Variants in KALRN observed in about 807,000 individuals in gnomAD.
KALRN encodes kalirin RhoGEF kinase.
KALRN carries 70 observed loss-of-function variants against 353.7 expected under a neutral mutation model. The observed-to-expected ratio is 0.20, with a 90% CI of 0.16 to 0.24. The LOEUF (loss-of-function observed/expected upper bound fraction) is 0.24. Among genes scored for constraint, KALRN ranks in the 10% least tolerant of loss-of-function variants. The probability of loss-of-function intolerance (pLI) is 1.00; values close to 1 mark genes in which losing one functional copy is unlikely to be tolerated. For synonymous variants in KALRN, 1,391 were observed against 1,434.8 expected, an observed-to-expected ratio of 0.97 and a Z score of 0.69; for missense variants, 2,791 against 3,756.7, an observed-to-expected ratio of 0.74 and a Z score of 6.72.
At chr3:124,601,073 A>G (rs1289287526) in intron 34 of KALRN, among the ~76,000 whole-genome samples, 5 of 152,192 alleles carry the variant, frequency 3.3e-5, no homozygotes, top group Non-Finnish European at 7.4e-5. Flanking sequence ...GGTCAGACTG[A>G]GTCCCCCTCC....
Position 124,263,478 on chromosome 3 carries a change from G to A in KALRN, c.264-1020G>A, listed in dbSNP as rs145890166. ...TGTAGTCACAGCTACCTGGAAGGCT[G>A]AGGCAGGGGGATCATTTGAAGCCAG... On this transcript the variant is annotated intron_variant, in intron 3 of 59. Coordinates refer to ENST00000682506, the MANE Select transcript of KALRN (RefSeq NM_001388419.1). Among the ~76,000 whole-genome samples, 132 of 152,278 alleles carry A rather than the reference G, an allele frequency of 8.7e-4. 2 individuals are homozygous for A. In the East Asian group the frequency reaches 0.024, roughly 28 times the overall value.
chr3:124,700,088 G>A, intron 56 of KALRN, 55 bp downstream of exon 56: 1 of 1,570,144 alleles, frequency 6.4e-7, no homozygotes, highest in East Asian at 2.2e-5. Context: ...GCACCTGGCT[G>A]CCTGTCACAG....
intron 1 of KALRN, among the ~76,000 whole-genome samples, chr3:124,036,791 T>G (rs1337511088): frequency 1.3e-5 from 2 of 152,260 alleles, no homozygotes; most frequent in Non-Finnish European, 2.9e-5. Context: ...TGGCATACTG[T>G]GCTTCTAATT....
intron 34 of KALRN, among the ~76,000 whole-genome samples, chr3:124,591,210 T>C (rs905912562): frequency 6.6e-6 from 1 of 152,232 alleles, no homozygotes; most frequent in Non-Finnish European, 1.5e-5. Flanking sequence ...CCAGAGCAGC[T>C]TGTACACGTT....
intron 10 of KALRN, among the ~76,000 whole-genome samples, chr3:124,382,258 C>T (rs559164741): frequency 6.6e-6 from 1 of 152,096 alleles, no homozygotes; most frequent in Non-Finnish European, 1.5e-5. Context: ...TAATTAGCTA[C>T]TATTATTCTG....
At chr3:124,658,045 T>C (rs1242491718) in intron 41 of KALRN, among the ~76,000 whole-genome samples, 3 of 152,146 alleles carry the variant, frequency 2.0e-5, no homozygotes, top group Admixed American at 1.3e-4. Context: ...TCCTAGCCAC[T>C]TGGGGGGGCG....
At chr3:124,718,342 C>T (rs369739574) in intron 59 of KALRN, among the ~76,000 whole-genome samples, 4 of 151,272 alleles carry the variant, frequency 2.6e-5, no homozygotes, top group African/African-American at 4.9e-5. Context: ...AGGATGGTCT[C>T]GAACTCCTGA....
chr3:124,636,426 A>G (rs1007051600), intron 36 of KALRN, among the ~76,000 whole-genome samples: 5 of 152,214 alleles, frequency 3.3e-5, no homozygotes, highest in African/African-American at 1.2e-4. Context: ...CCACATGGAC[A>G]ACTCCTCACT....
chr3:124,383,335 T>C (rs1169200421), intron 10 of KALRN, among the ~76,000 whole-genome samples: 1 of 152,224 alleles, frequency 6.6e-6, no homozygotes, highest in African/African-American at 2.4e-5. Flanking sequence ...ACCACGAGAC[T>C]GTGACTTAGA....
intron 3 of KALRN, among the ~76,000 whole-genome samples, chr3:124,245,689 GT>G (rs1193188567): frequency 1.1e-3 from 160 of 147,452 alleles, no homozygotes; most frequent in African/African-American, 3.8e-3. Flanking sequence ...GTTGTTTTTT[GT>G]TTTTTTTTAG....
intron 33 of KALRN, among the ~76,000 whole-genome samples, chr3:124,549,571 T>C (rs2070206235): frequency 6.6e-6 from 1 of 152,216 alleles, no homozygotes; most frequent in Non-Finnish European, 1.5e-5. Context: ...TGTTTTATTT[T>C]AGTTTTATAG....
At chr3:124,366,904 C>A (rs1367854878) in intron 10 of KALRN, among the ~76,000 whole-genome samples, 1 of 132,364 alleles carries the variant, frequency 7.6e-6, no homozygotes, top group Non-Finnish European at 1.6e-5. Flanking sequence ...ACCTCCCTCC[C>A]GGATGGGGTG....
At chr3:124,247,786 A>G (rs922267463) in intron 3 of KALRN, among the ~76,000 whole-genome samples, 1 of 152,034 alleles carries the variant, frequency 6.6e-6, no homozygotes, top group Non-Finnish European at 1.5e-5. Flanking sequence ...GAAAAACAAA[A>G]CTATCTAGGG....
intron 34 of KALRN, among the ~76,000 whole-genome samples, chr3:124,565,604 C>A (rs2072706387): frequency 2.0e-5 from 3 of 152,244 alleles, no homozygotes; most frequent in Admixed American, 2.0e-4. Flanking sequence ...CACAGCAATT[C>A]ATTTGCCGCA....
At chr3:124,496,225 C>T (rs1351399985) in intron 32 of KALRN, 86 bp from the exon 33 acceptor site, 3 of 958,030 alleles carry the variant, frequency 3.1e-6, no homozygotes, top group Non-Finnish European at 5.0e-6. Context: ...GCTGCTCTGC[C>T]CACCCAACCG....
At chr3:124,258,454 G>A (rs537406760) in intron 3 of KALRN, among the ~76,000 whole-genome samples, 1 of 152,162 alleles carries the variant, frequency 6.6e-6, no homozygotes, top group East Asian at 1.9e-4. Flanking sequence ...TTCCTCTCCT[G>A]GTTCTCTCTA....
chr3:124,385,558 T>C (rs58783928), intron 11 of KALRN, among the ~76,000 whole-genome samples: 1,894 of 152,246 alleles, frequency 0.012, 33 homozygotes, highest in African/African-American at 0.042. Context: ...GGCAGGGTGA[T>C]ATTAAAGTTG....
At chr3:124,549,021 A>T (rs755594741) in intron 33 of KALRN, among the ~76,000 whole-genome samples, 1 of 152,198 alleles carries the variant, frequency 6.6e-6, no homozygotes, top group African/African-American at 2.4e-5. Flanking sequence ...ATCTTTTTGA[A>T]TGAGGAACTG....
intron 48 of KALRN, among the ~76,000 whole-genome samples, chr3:124,672,240 AC>A (rs995931686): frequency 1.3e-5 from 2 of 152,074 alleles, no homozygotes; most frequent in Non-Finnish European, 2.9e-5. Flanking sequence ...GAGCCACTGC[AC>A]CCGGCCAGGA....
Sources: allele counts gnomAD v4.1 joint callset (sites outside exome capture counted in the v4.1 genomes callset), GRCh38; gene constraint gnomAD v4.1.1; transcripts MANE v1.5; gene names NCBI Gene and HGNC (gene_info 2026-07-23, HGNC 2026-07-21).